Variants in STX8 observed in about 807,000 individuals in gnomAD.
STX8 encodes syntaxin 8, also known as syntaxin-8.
Under a neutral mutation model 37.5 loss-of-function variants are expected in STX8, and 23 were observed. The ratio of observed to expected loss-of-function variants is 0.61; its 90% CI spans 0.44 to 0.87. STX8 has a LOEUF of 0.87. Among genes scored for constraint, STX8 ranks in the 40% least tolerant of loss-of-function variants. The pLI is 0.00. For missense variants in STX8, 313 were observed against 284.7 expected, an observed-to-expected ratio of 1.10 and a Z score of -0.71; for synonymous variants, 115 against 99.1, an observed-to-expected ratio of 1.16 and a Z score of -0.95.
At chr17:9,428,793 T>A (rs1285094987) in intron 6 of STX8, among the ~76,000 whole-genome samples, 2 of 152,326 alleles carry the variant, frequency 1.3e-5, no homozygotes, top group Non-Finnish European at 2.9e-5. Context: ...AAGTTCAGTG[T>A]TACCTTGTAC....
In STX8 at chr17:9,442,897, C is replaced by T. The variant is rs1000207563; in HGVS notation, c.541+48932G>A. 4.6e-5 allele frequency among the ~76,000 whole-genome samples: 7 copies of T among 152,124 alleles called. No homozygotes were observed. In the East Asian group the frequency reaches 1.3e-3, roughly 29 times the overall value. On this transcript the variant is annotated intron_variant, in intron 6 of 7. Coordinates refer to ENST00000306357, the MANE Select transcript of STX8 (RefSeq NM_004853.3). ...GATATCCTCTTGGGACTCATTAAAACATTTAGAGAGGGGAGTCAGTCAGGT... is the reference window on the plus strand; with the variant it reads ...GATATCCTCTTGGGACTCATTAAAATATTTAGAGAGGGGAGTCAGTCAGGT...
chr17:9,266,394 T>C (rs1187125527), intron 7 of STX8, among the ~76,000 whole-genome samples: 1 of 152,188 alleles, frequency 6.6e-6, no homozygotes, highest in African/African-American at 2.4e-5. Context: ...TTCTGGACTA[T>C]TCTATGCCCA....
chr17:9,320,243 G>T (rs1242397118), intron 7 of STX8, among the ~76,000 whole-genome samples: 1 of 150,788 alleles, frequency 6.6e-6, no homozygotes, highest in Non-Finnish European at 1.5e-5. Flanking sequence ...TGAGGCAGGA[G>T]AATCGCTTGA....
At chr17:9,375,320 G>A (rs1362550353) in intron 7 of STX8, among the ~76,000 whole-genome samples, 1 of 152,048 alleles carries the variant, frequency 6.6e-6, no homozygotes, top group East Asian at 1.9e-4. Context: ...CAACACTTAA[G>A]AGTCCAGCTC....
intron 7 of STX8, among the ~76,000 whole-genome samples, chr17:9,258,131 GTTTGT>G (rs1177758549): frequency 2.7e-5 from 4 of 150,412 alleles, no homozygotes; most frequent in Middle Eastern, 3.2e-3. Context: ...AATTCCTAAA[GTTTGT>G]TTTATTTTTT....
At chr17:9,374,228 T>G (rs1911510779) in intron 7 of STX8, among the ~76,000 whole-genome samples, 1 of 151,916 alleles carries the variant, frequency 6.6e-6, no homozygotes, top group South Asian at 2.1e-4. Flanking sequence ...ACTACAGGCG[T>G]GTACCACCAC....
chr17:9,454,685 A>C (rs1905137945), intron 6 of STX8, among the ~76,000 whole-genome samples: 1 of 149,658 alleles, frequency 6.7e-6, no homozygotes, highest in African/African-American at 2.5e-5. Flanking sequence ...CTCAAAAAAA[A>C]AAAAACAAAA....
intron 7 of STX8, among the ~76,000 whole-genome samples, chr17:9,282,890 T>G (rs942718000): frequency 7.1e-6 from 1 of 141,780 alleles, no homozygotes; most frequent in African/African-American, 2.7e-5. Context: ...GACAGTCACT[T>G]TATGGAGATG....
intron 6 of STX8, among the ~76,000 whole-genome samples, chr17:9,387,441 C>T (rs998277122): frequency 1.3e-5 from 2 of 152,180 alleles, no homozygotes; most frequent in Non-Finnish European, 2.9e-5. Flanking sequence ...ACTACAGGCG[C>T]CCGCCACCAC....
chr17:9,479,815 A>T (rs1906243413), intron 6 of STX8, among the ~76,000 whole-genome samples: 1 of 143,714 alleles, frequency 7.0e-6, no homozygotes, highest in Non-Finnish European at 1.5e-5. Context: ...GCCTCCTGCC[A>T]GCTCTCCTGG....
chr17:9,527,503 T>C (rs1338371028), intron 4 of STX8, among the ~76,000 whole-genome samples: 1 of 152,224 alleles, frequency 6.6e-6, no homozygotes, highest in East Asian at 1.9e-4. Flanking sequence ...TAGGTAATTC[T>C]ACTTTCTTCT....
At chr17:9,379,042 C>T (rs1352926687) in intron 6 of STX8, among the ~76,000 whole-genome samples, 6 of 151,936 alleles carry the variant, frequency 3.9e-5, no homozygotes, top group Admixed American at 3.3e-4. Flanking sequence ...GTCAGGAGTT[C>T]GAGACCGGCC....
At chr17:9,362,823 C>T (rs548830869) in intron 7 of STX8, among the ~76,000 whole-genome samples, 8 of 110,110 alleles carry the variant, frequency 7.3e-5, no homozygotes, top group South Asian at 5.2e-4. Flanking sequence ...AGTGAGACTC[C>T]GTCTCAAAAA....
intron 5 of STX8, among the ~76,000 whole-genome samples, chr17:9,496,570 A>C (rs1340025310): frequency 6.6e-6 from 1 of 152,234 alleles, no homozygotes; most frequent in Non-Finnish European, 1.5e-5. Context: ...AGATAGAATA[A>C]TATCCCCCAT....
At chr17:9,376,531 T>G (rs1254865822) in intron 7 of STX8, among the ~76,000 whole-genome samples, 2 of 152,220 alleles carry the variant, frequency 1.3e-5, no homozygotes, top group Admixed American at 6.5e-5. Flanking sequence ...AGGAATAAAA[T>G]CAGGCCACCT....
intron 7 of STX8, among the ~76,000 whole-genome samples, chr17:9,298,705 A>T (rs546732594): frequency 3.3e-5 from 5 of 152,240 alleles, no homozygotes; most frequent in Middle Eastern, 3.4e-3. Flanking sequence ...CCAGCTACTC[A>T]GGAGACTGAG....
chr17:9,350,680 C>T (rs1029469040), intron 7 of STX8, among the ~76,000 whole-genome samples: 5 of 151,934 alleles, frequency 3.3e-5, no homozygotes, highest in African/African-American at 9.7e-5. Context: ...TTACAGGTGC[C>T]CGCCACCACA....
intron 7 of STX8, among the ~76,000 whole-genome samples, chr17:9,373,882 T>C (rs867426497): frequency 1.4e-5 from 2 of 147,306 alleles, no homozygotes; most frequent in Non-Finnish European, 3.0e-5. Context: ...GAGGTTGCAG[T>C]GAGCTGAGAT....
intron 4 of STX8, among the ~76,000 whole-genome samples, chr17:9,535,424 C>CTTCTTTTTTTTTT (rs1905993497): frequency 1.9e-5 from 1 of 51,550 alleles, no homozygotes; most frequent in East Asian, 8.3e-4. Flanking sequence ...AGCCATCCTA[C>CTTCTTTTTTTTTT]TTTTTTTTTT....
Sources: gnomAD v4.1 joint callset for allele counts (sites outside exome capture counted in the v4.1 genomes callset) on GRCh38, gnomAD v4.1.1 for gene constraint, MANE v1.5 for transcripts, NCBI Gene and HGNC (gene_info 2026-07-23, HGNC 2026-07-21) for gene names.